PCDHGA4: variants seen among roughly 807,000 people sequenced by gnomAD.
PCDHGA4 encodes protocadherin gamma subfamily A, 4.
In PCDHGA4, 38 loss-of-function variants were observed where a neutral mutation model predicts 54.6. That is an observed-to-expected ratio of 0.70 (90% CI 0.54 to 0.91). PCDHGA4 has a LOEUF of 0.91. Among genes scored for constraint, PCDHGA4 ranks in the 40% least tolerant of loss-of-function variants. The pLI is 0.00. For missense variants in PCDHGA4, 1,298 were observed against 1,220.9 expected (o/e 1.06, Z -0.94); for synonymous variants, 511 against 512.9 (o/e 1.00, Z 0.05).
intron 1 of PCDHGA4, chr5:141,395,512 A>C: frequency 4.7e-6 from 2 of 421,514 alleles, no homozygotes; most frequent in Non-Finnish European, 8.4e-6. Flanking sequence ...AGAAGTAGCT[A>C]CCCGTCCATA....
At chr5:141,364,201 G>C (rs1199932362) in intron 1 of PCDHGA4, 1 of 1,146,160 alleles carries the variant, frequency 8.7e-7, no homozygotes, top group Admixed American at 3.2e-5. Context: ...ACACAGACCA[G>C]ACAAGCTCCT....
At chr5:141,469,425 C>T (rs1035406646) in intron 1 of PCDHGA4, among the ~76,000 whole-genome samples, 1 of 151,622 alleles carries the variant, frequency 6.6e-6, no homozygotes, top group East Asian at 1.9e-4. Context: ...AAATATAAAA[C>T]TTAGCTGGGC....
At chr5:141,370,375 G>T in intron 1 of PCDHGA4, 2 of 1,527,984 alleles carry the variant, frequency 1.3e-6, no homozygotes. Context: ...ATTTAGAAAG[G>T]CAAAGGCGCA....
intron 1 of PCDHGA4, chr5:141,364,242 G>T (rs192201180): frequency 1.4e-6 from 2 of 1,451,340 alleles, no homozygotes; most frequent in South Asian, 3.0e-5. Context: ...GCCCATTTTC[G>T]TCAGGGAATA....
chr5:141,427,428 T>A (rs1489623330), intron 1 of PCDHGA4: 1 of 470,472 alleles, frequency 2.1e-6, no homozygotes. Context: ...GGAGGTTACA[T>A]GCCTCATAAA....
chr5:141,413,575 G>A lies in PCDHGA4; in HGVS notation c.2514+55954G>A, dbSNP rs762938003. The stretch of plus-strand genomic sequence containing the variant: ...AGAAGTAACTGATATCAATGACAAT[G>A]CTCCAAAATTCCAAGCAGAAAATCT... On this transcript the variant is annotated intron_variant, in intron 1 of 3. Transcript: ENST00000571252. 4.3e-6 allele frequency: 7 copies of A among 1,613,886 alleles called. No individual in the cohort carries two copies. In the South Asian group the frequency reaches 6.6e-5, roughly 15 times the overall value.
At chr5:141,365,584 T>C (rs778067515) in intron 1 of PCDHGA4, 1 of 1,613,724 alleles carries the variant, frequency 6.2e-7, no homozygotes. Context: ...CTTCAGATTA[T>C]AATATCACTT....
rs1589316075 is a variant in PCDHGA4, at chr5:141,398,010, G to GAATTT, written c.2514+40389_2514+40390insAATTT. 8 of 1,407,812 alleles carry GAATTT rather than the reference G, an allele frequency of 5.7e-6. 1 individual carries two copies. The East Asian group carries it at 1.5e-4, about 27-fold the overall frequency. 87.2% of individuals were successfully genotyped at this position (1,407,812 alleles called of 1,614,324 possible). Reference sequence around the variant, plus strand: ...CCGCTTCCTCCTCGGAAAAAGAATCGTTTCCTAAACTGGAACTGGAACTAA... The same window carrying GAATTT: ...CCGCTTCCTCCTCGGAAAAAGAATCGAATTTTTTCCTAAACTGGAACTGGAACTAA... On this transcript the variant is annotated intron_variant, in intron 1 of 3. Transcript: ENST00000571252.
At chr5:141,359,655 A>G (rs1161602645) in intron 1 of PCDHGA4, among the ~76,000 whole-genome samples, 4 of 152,072 alleles carry the variant, frequency 2.6e-5, no homozygotes, top group African/African-American at 9.7e-5. Flanking sequence ...GAGACAGAAT[A>G]TTTATAAAAA....
intron 1 of PCDHGA4, chr5:141,390,007 C>G (rs778827419): frequency 1.9e-6 from 3 of 1,614,058 alleles, no homozygotes; most frequent in South Asian, 2.2e-5. Context: ...ATGATTCTGG[C>G]CATTGCCTTG....
chr5:141,357,041 C>T lies in PCDHGA4; in HGVS notation c.1934C>T (p.Pro645Leu), dbSNP rs1760441542. 1 of 1,614,006 alleles carries T rather than the reference C, an allele frequency of 6.2e-7. No individual in the cohort carries two copies. The highest frequency in any genetic ancestry group is 1.3e-5 in the African/African-American group (1 of 75,056). ...LSYSLLKSSEPGLFAVGLHTG... is the reference protein window; with the variant it reads ...LSYSLLKSSELGLFAVGLHTG... ...TACAGCCTACTCAAGTCCAGCGAGCCGGGACTATTTGCAGTGGGGCTGCAC... is the reference window on the plus strand; with the variant it reads ...TACAGCCTACTCAAGTCCAGCGAGCTGGGACTATTTGCAGTGGGGCTGCAC... Residue 645 changes from proline (P) to leucine (L), a missense_variant, in exon 1 of 4, where the codon CCG (proline) becomes CTG (leucine). By Grantham distance (98) the Pro-to-Leu change is moderately conservative. Transcript: ENST00000571252.
In PCDHGA4 at chr5:141,511,555, C is replaced by T; in HGVS notation, c.*382C>T. 1 of 305,302 alleles carries T rather than the reference C, an allele frequency of 3.3e-6. No individual in the cohort carries two copies. Among genetic ancestry groups the T allele is most frequent in the South Asian group, 3.6e-5 (1 of 28,078 alleles). 18.9% of individuals were successfully genotyped at this position (305,302 alleles called of 1,614,324 possible). ...CCTCCCCACCCCACTCCAACAGTTC[C>T]TCTTTCCCGAGTAAGGTGGTTGGGG... On this transcript the variant is annotated 3_prime_UTR_variant, in exon 4 of 4. Coordinates refer to ENST00000571252, the MANE Select transcript of PCDHGA4 (RefSeq NM_018917.4).
At position 141,357,521 on chromosome 5, in the gene PCDHGA4, G is replaced by C; in HGVS notation, c.2414G>C (p.Ser805Thr). 6.2e-7 allele frequency: 1 copy of C among 1,614,228 alleles called. No homozygotes were observed. The highest frequency in any genetic ancestry group is 8.5e-7 in the Non-Finnish European group (1 of 1,180,044). Reference sequence around the variant, plus strand: ...AGTCACCTGATCTTCTCCCAACCCAGCTATGCAGACACGCTCATCAGCCGG... The same window carrying C: ...AGTCACCTGATCTTCTCCCAACCCACCTATGCAGACACGCTCATCAGCCGG... ...RKSHLIFSQP[S>T]YADTLISRES... Residue 805 changes from serine to threonine, a missense_variant, in exon 1 of 4, where the codon AGC becomes ACC. Transcript: ENST00000571252.
chr5:141,383,360 T>A (rs1319923403), intron 1 of PCDHGA4: 1 of 1,613,888 alleles, frequency 6.2e-7, no homozygotes, highest in Non-Finnish European at 8.5e-7. Flanking sequence ...CGGTTTCCGT[T>A]AAGCGAGGCT....
At position 141,431,968 on chromosome 5, in the gene PCDHGA4, T is replaced by A. The variant is rs571981127; in HGVS notation, c.2515-62839T>A. On this transcript the variant is annotated intron_variant, in intron 1 of 3. Coordinates refer to ENST00000571252, the MANE Select transcript of PCDHGA4 (RefSeq NM_018917.4). The surrounding 1 kb of genome is among the most constrained non-coding windows in gnomAD (Gnocchi z 4.8). Reference sequence around the variant, plus strand: ...AAAAATCTTACGGAAATTACTATAGTTTAGTCACAGACATAGTCTTGGATA... The same window carrying A: ...AAAAATCTTACGGAAATTACTATAGATTAGTCACAGACATAGTCTTGGATA... 1.9e-6 allele frequency: 3 copies of A among 1,614,072 alleles called. No individual in the cohort carries two copies. Among genetic ancestry groups the A allele is most frequent in the Non-Finnish European group, 2.5e-6 (3 of 1,180,014 alleles).
At position 141,485,122 on chromosome 5, in the gene PCDHGA4, G is replaced by C. The variant is rs1000179570; in HGVS notation, c.2515-9685G>C. The stretch of plus-strand genomic sequence containing the variant: ...CAGCTGCTGTGGCTGTTTGGGGCGG[G>C]TCGGCTTCATCCGCGTCTCAGGAGC... On this transcript the variant is annotated intron_variant, in intron 1 of 3. Transcript: ENST00000571252. This position sits in a 1 kb window ranked among gnomAD's most constrained non-coding sequence, Gnocchi z 5.7. The C allele has an allele frequency of 4.3e-6, 6 of 1,387,506 alleles. No individual in the cohort carries two copies. In the African/African-American group the frequency reaches 8.5e-5, roughly 20 times the overall value. The allele number at this position is 1,387,506 out of a possible 1,614,324, so 85.9% of individuals were successfully genotyped here. A position where few individuals can be genotyped will look rare whatever the true frequency, so the allele number is the denominator to read the frequency against.
At chr5:141,419,159 T>G in intron 1 of PCDHGA4, 1 of 1,613,916 alleles carries the variant, frequency 6.2e-7, no homozygotes, top group Non-Finnish European at 8.5e-7. Flanking sequence ...TCCGTTATCC[T>G]CCAGCAAAAC....
At position 141,490,821 on chromosome 5, in the gene PCDHGA4, G is replaced by A. The variant is rs907584239; in HGVS notation, c.2515-3986G>A. On this transcript the variant is annotated intron_variant, in intron 1 of 3. Transcript: ENST00000571252. The surrounding 1 kb of genome is among the most constrained non-coding windows in gnomAD (Gnocchi z 5.4). ...AGCGTACCTTTGACTATGAATTGCT[G>A]CAGATGCTGCAGATTGTGGTGGGGG... 6.2e-7 allele frequency: 1 copy of A among 1,613,876 alleles called. No homozygotes were observed. Among genetic ancestry groups the A allele is most frequent in the Non-Finnish European group, 8.5e-7 (1 of 1,179,826 alleles).
In PCDHGA4 at chr5:141,491,722, C is replaced by T. The variant is rs1276921909; in HGVS notation, c.2515-3085C>T. ...CCAGGTGAGGGGCTCGGCGCCGCCC[C>T]GGGCGACCCCTGGGGGCGGCACTGG... On this transcript the variant is annotated intron_variant, in intron 1 of 3. Coordinates refer to ENST00000571252, the MANE Select transcript of PCDHGA4 (RefSeq NM_018917.4). This position sits in a 1 kb window ranked among gnomAD's most constrained non-coding sequence, Gnocchi z 6.9. The T allele has an allele frequency of 6.2e-7, 1 of 1,607,004 alleles. No homozygotes were observed.
Sources: gnomAD v4.1 joint callset for allele counts (sites outside exome capture counted in the v4.1 genomes callset) on GRCh38, gnomAD v4.1.1 for gene constraint, Gnocchi (gnomAD v3.1) non-coding constraint, MANE v1.5 for transcripts, NCBI Gene and HGNC (gene_info 2026-07-23, HGNC 2026-07-21) for gene names.